BPIFC: variants seen among roughly 807,000 people sequenced by gnomAD.
BPIFC encodes BPI fold-containing family C protein.
In BPIFC, 60 loss-of-function variants were observed where a neutral mutation model predicts 57.6. The observed-to-expected ratio is 1.04, with a 90% confidence interval of 0.85 to 1.29. The LOEUF (loss-of-function observed/expected upper bound fraction) is 1.29. BPIFC is among the 50% of genes most tolerant of loss of function. The probability of loss-of-function intolerance (pLI) is 0.00; values close to 1 mark genes in which losing one functional copy is unlikely to be tolerated. For missense variants in BPIFC, 581 were observed against 600.5 expected, an observed-to-expected ratio of 0.97 and a Z score of 0.34; for synonymous variants, 243 against 224.5, an observed-to-expected ratio of 1.08 and a Z score of -0.74.
intron 13 of BPIFC, among the ~76,000 whole-genome samples, chr22:32,427,316 G>A (rs1934096128): frequency 6.6e-6 from 1 of 152,124 alleles, no homozygotes; most frequent in Non-Finnish European, 1.5e-5. Flanking sequence ...AAGTGAACCT[G>A]GTCTCCATGC....
rs1935110158 is a variant in BPIFC at position 32,459,347 on chromosome 22, G to C, written c.1-1961C>G. The stretch of plus-strand genomic sequence containing the variant: ...AGTTTGAGACCAGCCTGTGGAACAT[G>C]GCAGGACCCCATCTCTACAAAAAAT... On this transcript the variant is annotated intron_variant, in intron 2 of 16. Transcript: ENST00000300399. Among the ~76,000 whole-genome samples, 3 of 152,090 alleles carry C rather than the reference G, an allele frequency of 2.0e-5. No homozygotes were observed. In the South Asian group the frequency reaches 6.2e-4, roughly 32 times the overall value.
At chr22:32,423,054 G>A (rs1281517774) in intron 13 of BPIFC, among the ~76,000 whole-genome samples, 24 of 152,290 alleles carry the variant, frequency 1.6e-4, no homozygotes, top group South Asian at 1.0e-3. Flanking sequence ...TGGAATTGGG[G>A]TCACTTTGAA....
intron 13 of BPIFC, among the ~76,000 whole-genome samples, chr22:32,420,015 A>G (rs1033777854): frequency 6.6e-6 from 1 of 151,632 alleles, no homozygotes; most frequent in Non-Finnish European, 1.5e-5. Flanking sequence ...GGAATGTAGA[A>G]CAATCTTAAG....
At chr22:32,445,469 G>A (rs62241176) in intron 7 of BPIFC, among the ~76,000 whole-genome samples, 166 bp downstream of exon 7, 12,771 of 151,926 alleles carry the variant, frequency 0.084, 747 homozygotes, top group Non-Finnish European at 0.13. Context: ...CCCAGGAGGC[G>A]GAGCTTGCAG....
At chr22:32,462,883 T>G (rs185199050) in intron 1 of BPIFC, among the ~76,000 whole-genome samples, 1 of 152,230 alleles carries the variant, frequency 6.6e-6, no homozygotes, top group Non-Finnish European at 1.5e-5. Context: ...CTAGGGTACA[T>G]GTGCACAGAA....
chr22:32,423,408 G>A (rs1387207009), intron 13 of BPIFC, among the ~76,000 whole-genome samples: 1 of 152,050 alleles, frequency 6.6e-6, no homozygotes, highest in East Asian at 1.9e-4. Flanking sequence ...GGGTGGAGTT[G>A]GGGGGGTCAG....
intron 7 of BPIFC, among the ~76,000 whole-genome samples, chr22:32,444,886 A>G (rs561927429): frequency 6.6e-6 from 1 of 152,328 alleles, no homozygotes; most frequent in Admixed American, 6.5e-5. Flanking sequence ...ACTGTATACT[A>G]AATTCAAGTA....
At position 32,453,466 on chromosome 22, in the gene BPIFC, T is replaced by C. The variant is rs1315148542; in HGVS notation, c.162A>G (p.Leu54=). The C allele has an allele frequency of 1.2e-6, 2 of 1,606,286 alleles. No homozygotes were observed. The highest frequency in any genetic ancestry group is 1.1e-5 in the South Asian group (1 of 88,626). Residue 54 remains leucine, a synonymous_variant, in exon 4 of 17, where the codon CTA becomes CTG. Transcript: ENST00000300399. ...TTAAATCTGGGAGTTTCTTTTCTTT[T>C]AGCATTTGCTCAATCATCTTCATTC... ...QAGMKMIEQM[L]KEKKLPDLSG... is the part of the protein sequence containing the mutation.
chr22:32,433,609 A>T, intron 11 of BPIFC, 110 bp downstream of exon 11: 1 of 933,566 alleles, frequency 1.1e-6, no homozygotes, highest in Non-Finnish European at 1.7e-6. Context: ...AACTCCCAAT[A>T]ATAGACAGAG....
Position 32,414,280 on chromosome 22 carries a change from T to G in BPIFC, c.*23A>C. The G allele has an allele frequency of 6.2e-7, 1 of 1,612,328 alleles. No individual in the cohort carries two copies. Among genetic ancestry groups the G allele is most frequent in the Non-Finnish European group, 8.5e-7 (1 of 1,178,976 alleles). On this transcript the variant is annotated 3_prime_UTR_variant, in exon 17 of 17. Coordinates refer to ENST00000300399, the MANE Select transcript of BPIFC (RefSeq NM_174932.3). The stretch of plus-strand genomic sequence containing the variant: ...GTAGGATTAAGGACCATTTACTTCC[T>G]GGGGTGAATTGCAAACCGGCAATCA...
intron 3 of BPIFC, among the ~76,000 whole-genome samples, chr22:32,456,859 C>T (rs1935049436): frequency 6.6e-6 from 1 of 152,184 alleles, no homozygotes; most frequent in Non-Finnish European, 1.5e-5. Flanking sequence ...AATGCAGTCA[C>T]CCATATTACA....
chr22:32,438,574 T>C (rs1245623818), intron 8 of BPIFC, among the ~76,000 whole-genome samples: 1 of 152,150 alleles, frequency 6.6e-6, no homozygotes, highest in Non-Finnish European at 1.5e-5. Context: ...GTATTTTTAG[T>C]AGAGACAGCG....
Position 32,432,503 on chromosome 22 carries a change from C to T in BPIFC, c.1019G>A (p.Arg340Lys), listed in dbSNP as rs1934277384. 6.2e-7 allele frequency: 1 copy of T among 1,614,006 alleles called. No individual in the cohort carries two copies. The highest frequency in any genetic ancestry group is 1.3e-5 in the African/African-American group (1 of 74,914). ...TATGGGAGGCTCTGTGGCCATGATCCTCACCATGAAGGGCTGGGACAAGAT... is the reference window on the plus strand; with the variant it reads ...TATGGGAGGCTCTGTGGCCATGATCTTCACCATGAAGGGCTGGGACAAGAT... The part of the protein sequence containing the change: ...IYILSQPFMV[R>K]IMATEPPIIN... The change falls in exon 12 of 17, where the codon AGG becomes AAG. Residue 340 changes from arginine to lysine, a missense_variant. Arg to Lys is a conservative substitution (Grantham distance 26). Coordinates refer to ENST00000300399, the MANE Select transcript of BPIFC (RefSeq NM_174932.3).
chr22:32,427,585 C>A (rs544282439), intron 13 of BPIFC, among the ~76,000 whole-genome samples: 1 of 152,256 alleles, frequency 6.6e-6, no homozygotes, highest in East Asian at 1.9e-4. Context: ...TCCCGATGCT[C>A]AGGCAATGCT....
intron 3 of BPIFC, among the ~76,000 whole-genome samples, chr22:32,454,708 C>T (rs1015173490): frequency 5.3e-5 from 8 of 151,876 alleles, no homozygotes; most frequent in African/African-American, 1.9e-4. Flanking sequence ...TCTAAAATGC[C>T]AGAAAAAAAT....
Position 32,445,851 on chromosome 22 carries a change from C to G in BPIFC, c.520G>C (p.Gly174Arg). The change falls in exon 6 of 17, where the codon GGA becomes CGA. Residue 174 changes from glycine (G) to arginine (R), a missense_variant. By Grantham distance (125) the Gly-to-Arg change is moderately radical (BLOSUM62 -2). Transcript: ENST00000300399. Reference sequence around the variant, plus strand: ...AGGGCTCTCATTCACCTGAGTTCTCCGGAAAATGAGACGTGGGCATGGCTC... The same window carrying G: ...AGGGCTCTCATTCACCTGAGTTCTCGGGAAAATGAGACGTGGGCATGGCTC... ...QLSHAHVSFS[G>R]ELSVLYNSFA... is the part of the protein sequence containing the mutation. 6.2e-7 allele frequency: 1 copy of G among 1,613,976 alleles called. No individual in the cohort carries two copies. Among genetic ancestry groups the G allele is most frequent in the Non-Finnish European group, 8.5e-7 (1 of 1,179,964 alleles).
chr22:32,429,240 T>C (rs1031988917), intron 13 of BPIFC, among the ~76,000 whole-genome samples: 3 of 151,858 alleles, frequency 2.0e-5, no homozygotes, highest in African/African-American at 7.2e-5. Context: ...GGAGTCTCGC[T>C]CTGTCCCCCA....
intron 8 of BPIFC, among the ~76,000 whole-genome samples, chr22:32,441,093 C>T (rs369897220): frequency 1.3e-5 from 2 of 152,112 alleles, no homozygotes; most frequent in Non-Finnish European, 2.9e-5. Flanking sequence ...TCTCCCCCAA[C>T]CCCCTGCTCC....
intron 10 of BPIFC, 115 bp from the exon 11 acceptor site, chr22:32,433,887 A>G (rs1305218079): frequency 1.1e-6 from 1 of 903,054 alleles, no homozygotes; most frequent in Non-Finnish European, 1.8e-6. Context: ...ACCATAAAAT[A>G]TTCAGTGTTT....
Sources: gnomAD v4.1 joint callset for allele counts (sites outside exome capture counted in the v4.1 genomes callset) on GRCh38, gnomAD v4.1.1 for gene constraint, MANE v1.5 for transcripts, NCBI Gene and HGNC (gene_info 2026-07-23, HGNC 2026-07-21) for gene names.